The following NXPE2 variants were observed in gnomAD, a reference collection of about 807,000 sequenced individuals.
NXPE2 encodes the protein neurexophilin and PC-esterase domain family member 2.
Under a neutral mutation model 34.4 loss-of-function variants are expected in NXPE2, and 34 were observed. That is an observed-to-expected ratio of 0.99 (90% CI 0.75 to 1.31). NXPE2 has a LOEUF of 1.31. Among genes scored for constraint, NXPE2 ranks in the 40% most tolerant of loss-of-function variants. The pLI is 0.00. For missense variants in NXPE2, 649 were observed against 672.5 expected (o/e 0.97, Z 0.39); for synonymous variants, 235 against 231.3 (o/e 1.02, Z -0.15).
At chr11:114,760,104 G>T in the NXPE2 span, among the ~76,000 whole-genome samples, 1 of 152,038 alleles carries the variant, frequency 6.6e-6, no homozygotes, top group African/African-American at 2.4e-5. Flanking sequence ...CTGAAGGTTT[G>T]TGTCTCCCTG....
chr11:114,753,892 T>C, the NXPE2 span, among the ~76,000 whole-genome samples: 1 of 152,252 alleles, frequency 6.6e-6, no homozygotes, highest in Non-Finnish European at 1.5e-5. Flanking sequence ...AAAATCATTT[T>C]GGAATATCAT....
chr11:114,525,850 C>A, the NXPE2 span, among the ~76,000 whole-genome samples: 3 of 152,310 alleles, frequency 2.0e-5, no homozygotes, highest in Admixed American at 2.0e-4. Context: ...CGGGGCTCAG[C>A]CTTTGGAAGT....
At chr11:114,648,688 A>G in the NXPE2 span, among the ~76,000 whole-genome samples, 1 of 152,218 alleles carries the variant, frequency 6.6e-6, no homozygotes, top group South Asian at 2.1e-4. Context: ...AAATGAAGAC[A>G]ATGACAAGGT....
At chr11:114,751,108 G>A in the NXPE2 span, among the ~76,000 whole-genome samples, 1 of 152,098 alleles carries the variant, frequency 6.6e-6, no homozygotes, top group African/African-American at 2.4e-5. Flanking sequence ...TTCAGCAGGG[G>A]ATAGAGACCG....
At chr11:114,809,145 C>T in the NXPE2 span, among the ~76,000 whole-genome samples, 7 of 151,866 alleles carry the variant, frequency 4.6e-5, no homozygotes, top group Non-Finnish European at 8.8e-5. Context: ...ATTCAACAAC[C>T]CTTCATGCTA....
the NXPE2 span, among the ~76,000 whole-genome samples, chr11:114,651,424 C>T: frequency 1.3e-5 from 2 of 152,024 alleles, no homozygotes; most frequent in South Asian, 2.1e-4. Context: ...CAAACGTTTG[C>T]GGTGAGTGTT....
downstream of NXPE2, among the ~76,000 whole-genome samples, chr11:114,708,784 A>C (rs889007855): frequency 3.3e-5 from 5 of 152,244 alleles, no homozygotes; most frequent in Admixed American, 1.3e-4. Flanking sequence ...CTCCTTTAGG[A>C]AACTTTGAAA....
the NXPE2 span, among the ~76,000 whole-genome samples, chr11:114,573,581 A>T: frequency 6.6e-6 from 1 of 152,162 alleles, no homozygotes; most frequent in Non-Finnish European, 1.5e-5. Flanking sequence ...TATATCAGAC[A>T]AAACAAACTT....
At chr11:114,504,186 A>AC in the NXPE2 span, among the ~76,000 whole-genome samples, 1 of 151,908 alleles carries the variant, frequency 6.6e-6, no homozygotes, top group Non-Finnish European at 1.5e-5. Context: ...GCAGTATGCA[A>AC]CCCCCCAACC....
Position 114,698,616 on chromosome 11 carries a change from T to A in NXPE2, c.704T>A (p.Leu235Gln). ...SNVFTECGLTLNTNAELCQYM... is the reference protein window; with the variant it reads ...SNVFTECGLTQNTNAELCQYM... Reference sequence around the variant, plus strand: ...GTCTTCACTGAATGTGGCCTGACCCTAAACACAAATGCTGAACTGTGCCAG... The same window carrying A: ...GTCTTCACTGAATGTGGCCTGACCCAAAACACAAATGCTGAACTGTGCCAG... The change falls in exon 3 of 6, where the codon CTA becomes CAA. Residue 235 changes from leucine (L) to glutamine (Q), a missense_variant. Leu to Gln is a moderately radical substitution (Grantham distance 113). Transcript: ENST00000389586. 6.2e-7 allele frequency: 1 copy of A among 1,614,184 alleles called. No individual in the cohort carries two copies. The highest frequency in any genetic ancestry group is 8.5e-7 in the Non-Finnish European group (1 of 1,180,026).
the NXPE2 span, among the ~76,000 whole-genome samples, chr11:114,488,765 A>G: frequency 6.6e-6 from 1 of 152,122 alleles, no homozygotes; most frequent in Non-Finnish European, 1.5e-5. Context: ...AGGAAAGATG[A>G]AAAATTGACA....
chr11:114,610,439 T>C, the NXPE2 span, among the ~76,000 whole-genome samples: 2 of 151,906 alleles, frequency 1.3e-5, no homozygotes, highest in South Asian at 4.1e-4. Flanking sequence ...GGGTAACCAC[T>C]GTTTCCCGGT....
chr11:114,727,396 C>T, the NXPE2 span, among the ~76,000 whole-genome samples: 1 of 152,022 alleles, frequency 6.6e-6, no homozygotes, highest in Non-Finnish European at 1.5e-5. Flanking sequence ...GGGCTCTGTC[C>T]TCATGACCTG....
chr11:114,755,592 T>C, the NXPE2 span, among the ~76,000 whole-genome samples: 1 of 152,194 alleles, frequency 6.6e-6, no homozygotes, highest in Non-Finnish European at 1.5e-5. Context: ...ACAGCTTGCT[T>C]ACTTTATCTA....
chr11:114,650,088 GTAATATACAAAAGTGTAACTT>G, the NXPE2 span, among the ~76,000 whole-genome samples: 3 of 152,058 alleles, frequency 2.0e-5, no homozygotes, highest in African/African-American at 7.2e-5. Context: ...AAAAATCCAG[GTAATATACAAAAGTGTAACTT>G]TCTCAAATAC....
chr11:114,647,579 C>T, the NXPE2 span, among the ~76,000 whole-genome samples: 1 of 152,112 alleles, frequency 6.6e-6, no homozygotes, highest in Non-Finnish European at 1.5e-5. Flanking sequence ...CTAGGTTTTA[C>T]ATTTGCTGTT....
At chr11:114,632,945 TATG>T in the NXPE2 span, among the ~76,000 whole-genome samples, 52 of 99,598 alleles carry the variant, frequency 5.2e-4, no homozygotes, top group South Asian at 2.3e-3. Flanking sequence ...ATATATATTA[TATG>T]ATATTTTATA....
At chr11:114,656,462 C>A in the NXPE2 span, among the ~76,000 whole-genome samples, 1 of 152,118 alleles carries the variant, frequency 6.6e-6, no homozygotes, top group African/African-American at 2.4e-5. Context: ...AGAAGACCCT[C>A]TATAGCCAAG....
At chr11:114,551,219 A>C in the NXPE2 span, 19 of 1,489,790 alleles carry the variant, frequency 1.3e-5, no homozygotes, top group Non-Finnish European at 1.7e-5. Context: ...GTCCTAGGAG[A>C]GATGACACAA....
Sources: allele counts gnomAD v4.1 joint callset (sites outside exome capture counted in the v4.1 genomes callset), GRCh38; gene constraint gnomAD v4.1.1; transcripts MANE v1.5; gene names NCBI Gene and HGNC (gene_info 2026-07-23, HGNC 2026-07-21).